S100Z: variants seen among roughly 807,000 people sequenced by gnomAD.
S100Z encodes the protein protein S100-Z.
A neutral mutation model predicts 8.5 loss-of-function variants in S100Z; 11 were observed. That is an observed-to-expected ratio of 1.30 (90% CI 0.82 to 2.15). The LOEUF (loss-of-function observed/expected upper bound fraction) is 2.15. Among genes scored for constraint, S100Z ranks in the 30% most tolerant of loss-of-function variants. The probability of loss-of-function intolerance (pLI) is 0.00; values close to 1 mark genes in which losing one functional copy is unlikely to be tolerated. For missense variants in S100Z, 126 were observed against 117.9 expected (o/e 1.07, Z -0.32); for synonymous variants, 34 against 43.8 (o/e 0.78, Z 0.89).
chr5:76,905,698 C>T (rs910470862), intron 4 of S100Z, among the ~76,000 whole-genome samples: 20 of 152,274 alleles, frequency 1.3e-4, no homozygotes, highest in African/African-American at 4.3e-4. Flanking sequence ...AGGTGCGAAC[C>T]ACCGTGCCTG....
intron 4 of S100Z, among the ~76,000 whole-genome samples, chr5:76,911,516 A>T (rs1464511244): frequency 3.3e-5 from 5 of 152,130 alleles, no homozygotes; most frequent in Admixed American, 2.6e-4. Flanking sequence ...ATCTCAACTT[A>T]TGTGGACCGT....
At chr5:76,865,257 T>A (rs75335827) in intron 1 of S100Z, among the ~76,000 whole-genome samples, 1 of 150,618 alleles carries the variant, frequency 6.6e-6, no homozygotes, top group Admixed American at 6.6e-5. Context: ...TTTTTTTTTT[T>A]TTTTGAGATG....
chr5:76,936,892 T>C, the S100Z span, among the ~76,000 whole-genome samples: 1 of 152,184 alleles, frequency 6.6e-6, no homozygotes, highest in East Asian at 1.9e-4. Context: ...CTGCGAGATC[T>C]CAAGAGACGG....
chr5:76,899,779 TA>T (rs1744170657), intron 4 of S100Z, among the ~76,000 whole-genome samples: 1 of 152,214 alleles, frequency 6.6e-6, no homozygotes, highest in South Asian at 2.1e-4. Context: ...AAGAGTAGTT[TA>T]TACACTACAG....
the S100Z span, among the ~76,000 whole-genome samples, chr5:76,926,855 T>C: frequency 6.6e-6 from 1 of 152,232 alleles, no homozygotes; most frequent in Admixed American, 6.5e-5. Context: ...TGATTCATGA[T>C]TTATTGCCTT....
chr5:76,913,259 A>T (rs891671274), intron 4 of S100Z, among the ~76,000 whole-genome samples: 1 of 152,220 alleles, frequency 6.6e-6, no homozygotes, highest in Non-Finnish European at 1.5e-5. Flanking sequence ...TTAACTAATT[A>T]CCATACAAAG....
chr5:76,884,653 C>G (rs1012001078), intron 4 of S100Z, among the ~76,000 whole-genome samples: 1 of 152,110 alleles, frequency 6.6e-6, no homozygotes, highest in Non-Finnish European at 1.5e-5. Flanking sequence ...GCTCCAGCCA[C>G]GTCTTTAAGA....
At chr5:76,922,449 C>T (rs1053322700), downstream of S100Z, among the ~76,000 whole-genome samples, 1 of 152,192 alleles carries the variant, frequency 6.6e-6, no homozygotes, top group African/African-American at 2.4e-5. Context: ...CTGCCCATCA[C>T]CTTCCCATAA....
At chr5:76,908,158 C>T (rs1744522960) in intron 4 of S100Z, among the ~76,000 whole-genome samples, 1 of 152,234 alleles carries the variant, frequency 6.6e-6, no homozygotes, top group East Asian at 1.9e-4. Context: ...AAAGGTCTCT[C>T]TAACAACCTG....
At chr5:76,876,481 G>T (rs1331921521) in intron 3 of S100Z, among the ~76,000 whole-genome samples, 3 of 151,532 alleles carry the variant, frequency 2.0e-5, no homozygotes, top group African/African-American at 7.3e-5. Flanking sequence ...TGATTCTTGT[G>T]CCTCAGCCTC....
intron 1 of S100Z, among the ~76,000 whole-genome samples, chr5:76,863,034 CA>C (rs1326803038): frequency 2.6e-5 from 4 of 152,214 alleles, no homozygotes; most frequent in Non-Finnish European, 5.9e-5. Context: ...AACTCACAGT[CA>C]AGACCTTCTA....
At chr5:76,921,922 G>A (rs1745046031), downstream of S100Z, among the ~76,000 whole-genome samples, 2 of 151,370 alleles carry the variant, frequency 1.3e-5, no homozygotes, top group Admixed American at 6.6e-5. Flanking sequence ...TCAGGAGGCA[G>A]AGGTTGCAGT....
chr5:76,878,466 C>T (rs943199607), intron 4 of S100Z, among the ~76,000 whole-genome samples: 1 of 152,162 alleles, frequency 6.6e-6, no homozygotes, highest in Non-Finnish European at 1.5e-5. Flanking sequence ...CCCACTGTTT[C>T]CCCCTGGGGC....
chr5:76,873,449 A>C (rs916986413), intron 2 of S100Z, among the ~76,000 whole-genome samples: 15 of 152,128 alleles, frequency 9.9e-5, no homozygotes, highest in African/African-American at 3.1e-4. Flanking sequence ...CTGGGACTAC[A>C]GGCGTGCACC....
At chr5:76,920,509 T>C (rs1410972722) in intron 4 of S100Z, among the ~76,000 whole-genome samples, 1 of 152,250 alleles carries the variant, frequency 6.6e-6, no homozygotes, top group African/African-American at 2.4e-5. Context: ...AGAAAGAACA[T>C]GCCTGCCCAC....
the S100Z span, among the ~76,000 whole-genome samples, chr5:76,951,247 C>T: frequency 6.6e-6 from 1 of 152,178 alleles, no homozygotes; most frequent in Non-Finnish European, 1.5e-5. Flanking sequence ...TGTGTGGTTC[C>T]TGAGGAGTGG....
At chr5:76,854,120 C>G (rs1410393861) in intron 1 of S100Z, among the ~76,000 whole-genome samples, 1 of 152,198 alleles carries the variant, frequency 6.6e-6, no homozygotes, top group Non-Finnish European at 1.5e-5. Context: ...CATTAAACCT[C>G]TTTTCTTTGT....
At chr5:76,941,207 C>T in the S100Z span, among the ~76,000 whole-genome samples, 8 of 152,202 alleles carry the variant, frequency 5.3e-5, no homozygotes, top group South Asian at 2.1e-4. Context: ...TGAATTGGGG[C>T]GCCAAGATTT....
intron 2 of S100Z, among the ~76,000 whole-genome samples, chr5:76,873,296 C>T (rs1040004574): frequency 6.6e-6 from 1 of 150,410 alleles, no homozygotes; most frequent in African/African-American, 2.5e-5. Flanking sequence ...ATTACTTTGA[C>T]AATAAAAACT....
Sources: allele counts gnomAD v4.1 joint callset (sites outside exome capture counted in the v4.1 genomes callset), GRCh38; gene constraint gnomAD v4.1.1; transcripts MANE v1.5; gene names NCBI Gene and HGNC (gene_info 2026-07-23, HGNC 2026-07-21).